OSBPL1A: variants seen among roughly 807,000 people sequenced by gnomAD.
OSBPL1A encodes oxysterol binding protein like 1A.
A neutral mutation model predicts 137.1 loss-of-function variants in OSBPL1A; 80 were observed. The observed-to-expected ratio is 0.58, with a 90% CI of 0.49 to 0.70. The LOEUF (loss-of-function observed/expected upper bound fraction) is 0.70, where lower values mean the gene tolerates loss of function less well. Ranked by LOEUF, OSBPL1A falls within the 30% of genes least tolerant of loss-of-function variation. The probability of loss-of-function intolerance (pLI) is 0.00; values close to 1 mark genes in which losing one functional copy is unlikely to be tolerated. For synonymous variants in OSBPL1A, 365 were observed against 389.7 expected (o/e 0.94, Z 0.75); for missense variants, 970 against 1,129.4 (o/e 0.86, Z 2.02).
At chr18:24,349,923 G>T (rs2091409635) in intron 4 of OSBPL1A, among the ~76,000 whole-genome samples, 1 of 152,124 alleles carries the variant, frequency 6.6e-6, no homozygotes, top group African/African-American at 2.4e-5. Flanking sequence ...AATGGGTGTT[G>T]ATTTAAGCCT....
At chr18:24,322,409 C>T (rs2146127561) in intron 7 of OSBPL1A, among the ~76,000 whole-genome samples, 1 of 152,102 alleles carries the variant, frequency 6.6e-6, no homozygotes, top group South Asian at 2.1e-4. Context: ...GTGTGAGCCA[C>T]CGTGCCCGGC....
intron 1 of OSBPL1A, among the ~76,000 whole-genome samples, chr18:24,388,016 C>T (rs1205947069): frequency 6.6e-6 from 1 of 151,994 alleles, no homozygotes; most frequent in Admixed American, 6.6e-5. Context: ...ACTCCGATGC[C>T]ACTAATGAAT....
intron 16 of OSBPL1A, among the ~76,000 whole-genome samples, chr18:24,236,710 C>A (rs146337196): frequency 6.6e-6 from 1 of 152,110 alleles, no homozygotes; most frequent in Admixed American, 6.6e-5. Context: ...TGAGCCTAGG[C>A]GTTTGGACTG....
At chr18:24,341,852 C>A (rs541866313) in intron 4 of OSBPL1A, among the ~76,000 whole-genome samples, 194 bp from the exon 5 acceptor site, 2 of 152,244 alleles carry the variant, frequency 1.3e-5, no homozygotes, top group Non-Finnish European at 2.9e-5. Flanking sequence ...TAAACAATTG[C>A]CAATCCACAA....
At chr18:24,241,834 T>TAA (rs2088704427) in intron 15 of OSBPL1A, among the ~76,000 whole-genome samples, 2 of 152,152 alleles carry the variant, frequency 1.3e-5, no homozygotes, top group African/African-American at 2.4e-5. Flanking sequence ...CACATATGTT[T>TAA]ATTGCAGCAC....
At chr18:24,295,827 G>T (rs1285127936) in intron 14 of OSBPL1A, among the ~76,000 whole-genome samples, 1 of 148,890 alleles carries the variant, frequency 6.7e-6, no homozygotes, top group African/African-American at 2.5e-5. Flanking sequence ...TTATTTCTGG[G>T]TTCTCTATTC....
At chr18:24,304,382 G>A (rs981941171) in intron 13 of OSBPL1A, among the ~76,000 whole-genome samples, 6 of 152,102 alleles carry the variant, frequency 3.9e-5, no homozygotes, top group African/African-American at 1.4e-4. Flanking sequence ...CCATCTTAGT[G>A]CAGATTTAGA....
intron 4 of OSBPL1A, among the ~76,000 whole-genome samples, chr18:24,342,726 G>C (rs984722130): frequency 6.6e-6 from 1 of 151,698 alleles, no homozygotes; most frequent in African/African-American, 2.4e-5. Flanking sequence ...TAAACATTTT[G>C]GCATATTTCT....
chr18:24,207,375 C>A (rs529707272), intron 17 of OSBPL1A, among the ~76,000 whole-genome samples: 1 of 152,326 alleles, frequency 6.6e-6, no homozygotes, highest in South Asian at 2.1e-4. Context: ...TAAGCCACTG[C>A]GCTCAGCCTC....
At chr18:24,292,765 A>T (rs564296298) in intron 14 of OSBPL1A, among the ~76,000 whole-genome samples, 1 of 152,244 alleles carries the variant, frequency 6.6e-6, no homozygotes, top group South Asian at 2.1e-4. Flanking sequence ...TTCACAGAGG[A>T]TGAGGTACCA....
At chr18:24,246,287 C>T (rs1298107797) in intron 15 of OSBPL1A, among the ~76,000 whole-genome samples, 4 of 151,838 alleles carry the variant, frequency 2.6e-5, no homozygotes, top group African/African-American at 9.7e-5. Context: ...ACCTAAGGGA[C>T]CGAGGCAGAT....
At chr18:24,191,645 A>T (rs1364282238) in intron 18 of OSBPL1A, among the ~76,000 whole-genome samples, 1 of 152,250 alleles carries the variant, frequency 6.6e-6, no homozygotes, top group Non-Finnish European at 1.5e-5. Flanking sequence ...CTTATAGAAT[A>T]TAGCTTTTTA....
intron 4 of OSBPL1A, among the ~76,000 whole-genome samples, chr18:24,355,984 T>TAA (rs757127655): frequency 2.3e-5 from 2 of 88,060 alleles, no homozygotes; most frequent in Non-Finnish European, 2.2e-5. Context: ...GACTCTTGTC[T>TAA]CAAAAAAAAA....
At chr18:24,209,465 G>A (rs192452729) in intron 17 of OSBPL1A, among the ~76,000 whole-genome samples, 4 of 152,252 alleles carry the variant, frequency 2.6e-5, no homozygotes, top group Admixed American at 1.3e-4. Flanking sequence ...TACATATTCA[G>A]GAAACAGTAC....
intron 17 of OSBPL1A, among the ~76,000 whole-genome samples, chr18:24,220,959 G>A (rs1010511736): frequency 1.3e-5 from 2 of 151,850 alleles, no homozygotes; most frequent in East Asian, 3.9e-4. Flanking sequence ...TTTTGTGTTT[G>A]TAGTAGAAAC....
At chr18:24,227,101 C>T (rs2088109285) in intron 16 of OSBPL1A, among the ~76,000 whole-genome samples, 1 of 152,032 alleles carries the variant, frequency 6.6e-6, no homozygotes, top group African/African-American at 2.4e-5. Flanking sequence ...CCATGTTGGC[C>T]AGGCTGGTCT....
intron 17 of OSBPL1A, among the ~76,000 whole-genome samples, chr18:24,198,040 G>C (rs563595869): frequency 2.1e-4 from 32 of 151,840 alleles, no homozygotes; most frequent in Non-Finnish European, 4.4e-4. Context: ...TACCTGCCTC[G>C]GCCTCCCAAA....
chr18:24,272,033 A>C (rs1298514131), intron 15 of OSBPL1A: 2 of 981,592 alleles, frequency 2.0e-6, no homozygotes, highest in Non-Finnish European at 2.4e-6. Flanking sequence ...CGCGGCGGGC[A>C]GCGTCCGGGC....
chr18:24,259,571 A>T (rs1361510005), intron 15 of OSBPL1A, among the ~76,000 whole-genome samples: 3 of 152,172 alleles, frequency 2.0e-5, no homozygotes, highest in Non-Finnish European at 4.4e-5. Context: ...AAAATTTGAC[A>T]GTAGGAACAG....
Sources: gnomAD v4.1 joint callset for allele counts (sites outside exome capture counted in the v4.1 genomes callset) on GRCh38, gnomAD v4.1.1 for gene constraint, MANE v1.5 for transcripts, NCBI Gene and HGNC (gene_info 2026-07-23, HGNC 2026-07-21) for gene names.